TANC1: variants seen among roughly 807,000 people sequenced by gnomAD.
TANC1 encodes the protein protein TANC1.
TANC1 carries 77 observed loss-of-function variants against 149.7 expected under a neutral mutation model. The ratio of observed to expected loss-of-function variants is 0.51; its 90% CI spans 0.43 to 0.62. The LOEUF is 0.62. Ranked by LOEUF, TANC1 falls within the 20% of genes least tolerant of loss-of-function variation. The pLI is 0.00. For missense variants in TANC1, 1,985 were observed against 2,321.8 expected (o/e 0.85, Z 2.98); for synonymous variants, 854 against 925.0 (o/e 0.92, Z 1.39).
chr2:159,075,508 C>G (rs186024926), intron 3 of TANC1, among the ~76,000 whole-genome samples: 1 of 151,814 alleles, frequency 6.6e-6, no homozygotes, highest in Non-Finnish European at 1.5e-5. Context: ...CCTGGAAAGT[C>G]GAGGTTGCAG....
chr2:159,118,456 A>G (rs965140018), intron 4 of TANC1, among the ~76,000 whole-genome samples: 3 of 152,132 alleles, frequency 2.0e-5, no homozygotes, highest in African/African-American at 7.2e-5. Flanking sequence ...ATGAACTCCC[A>G]GTGTTGTACT....
intron 2 of TANC1, among the ~76,000 whole-genome samples, chr2:159,007,543 G>A (rs2037338188): frequency 6.6e-6 from 1 of 152,158 alleles, no homozygotes; most frequent in African/African-American, 2.4e-5. Flanking sequence ...GTAGCATGCT[G>A]TATGGTTTTG....
At position 159,131,805 on chromosome 2, in the gene TANC1, C is replaced by T. The variant is rs2050139196; in HGVS notation, c.260-4389C>T. On this transcript the variant is annotated intron_variant, in intron 4 of 26. Coordinates refer to ENST00000263635, the MANE Select transcript of TANC1 (RefSeq NM_033394.3). ...ATGGTTATAAATTTATCTTGTTTTA[C>T]AGCACTTTATGTTCAGCTGTTTGTG... Among the ~76,000 whole-genome samples, 3 of 152,200 alleles carry T rather than the reference C, an allele frequency of 2.0e-5. No individual in the cohort carries two copies. The South Asian group carries it at 6.2e-4, about 31-fold the overall frequency.
At chr2:159,209,003 T>C (rs1409508191) in intron 19 of TANC1, among the ~76,000 whole-genome samples, 1 of 152,220 alleles carries the variant, frequency 6.6e-6, no homozygotes, top group Admixed American at 6.5e-5. Context: ...TATAAAAATA[T>C]GGTATTATCA....
Position 159,099,387 on chromosome 2 carries a change from T to C in TANC1, c.259+1553T>C, listed in dbSNP as rs962908319. The stretch of plus-strand genomic sequence containing the variant: ...TTCCCACACTGCCTGTCATACTGGG[T>C]TATCCTGATTGGAATTACTCTTCCC... On this transcript the variant is annotated intron_variant, in intron 4 of 26. Transcript: ENST00000263635. 1.5e-4 allele frequency among the ~76,000 whole-genome samples: 23 copies of C among 152,264 alleles called. No homozygotes were observed. In the Middle Eastern group the frequency reaches 0.014, roughly 90 times the overall value.
intron 2 of TANC1, among the ~76,000 whole-genome samples, chr2:159,004,815 G>T (rs1379632581): frequency 6.6e-6 from 1 of 152,130 alleles, no homozygotes; most frequent in Admixed American, 6.5e-5. Flanking sequence ...AAGACAGACA[G>T]ACAGACACAC....
At chr2:158,981,493 ATATATATAT>A (rs1559096029) in intron 1 of TANC1, among the ~76,000 whole-genome samples, 2,076 of 48,524 alleles carry the variant, frequency 0.043, 160 homozygotes, top group Middle Eastern at 0.12. Context: ...TATAGCTTTT[ATATATATAT>A]ATATATATAT....
At chr2:158,971,057 T>G (rs1019517122) in intron 1 of TANC1, among the ~76,000 whole-genome samples, 1 of 152,226 alleles carries the variant, frequency 6.6e-6, no homozygotes, top group African/African-American at 2.4e-5. Flanking sequence ...ACATTTTGTC[T>G]CTTTAACCAC....
intron 1 of TANC1, among the ~76,000 whole-genome samples, chr2:158,989,043 C>G (rs774229686): frequency 4.9e-4 from 75 of 152,044 alleles, no homozygotes; most frequent in Middle Eastern, 3.4e-3. Flanking sequence ...GAAATGTGGA[C>G]CATAACTGAC....
intron 4 of TANC1, 60 bp downstream of exon 4, chr2:159,097,894 G>A: frequency 6.9e-7 from 1 of 1,443,102 alleles, no homozygotes; most frequent in Non-Finnish European, 9.6e-7. Context: ...TTGAAAATAA[G>A]CAAAACTAGT....
At chr2:159,143,219 C>T (rs1056249216) in intron 5 of TANC1, among the ~76,000 whole-genome samples, 1 of 152,086 alleles carries the variant, frequency 6.6e-6, no homozygotes, top group African/African-American at 2.4e-5. Flanking sequence ...TTTCCCAAGA[C>T]TTTTCAATTG....
intron 5 of TANC1, among the ~76,000 whole-genome samples, chr2:159,137,717 G>A (rs1351191535): frequency 3.3e-5 from 5 of 152,194 alleles, no homozygotes; most frequent in Admixed American, 6.5e-5. Flanking sequence ...GTCATCAAAT[G>A]TCTAAGCTGT....
intron 21 of TANC1, 129 bp from the exon 22 acceptor site, chr2:159,219,563 C>T: frequency 1.5e-6 from 2 of 1,324,050 alleles, no homozygotes; most frequent in Non-Finnish European, 2.1e-6. Flanking sequence ...CCCATCCGGC[C>T]AGTGTCACCC....
chr2:159,224,543 T>G, intron 23 of TANC1, 179 bp downstream of exon 23: 8 of 701,930 alleles, frequency 1.1e-5, no homozygotes, highest in Non-Finnish European at 1.8e-5. Context: ...GCTCACGGTG[T>G]TTCTGCGGGG....
intron 19 of TANC1, among the ~76,000 whole-genome samples, chr2:159,216,955 G>A (rs902674226): frequency 1.3e-5 from 2 of 152,150 alleles, no homozygotes; most frequent in South Asian, 4.1e-4. Flanking sequence ...GCATTGCACT[G>A]TATTCTGGTT....
At chr2:159,224,984 A>G (rs1196419341) in intron 23 of TANC1, 1 of 157,058 alleles carries the variant, frequency 6.4e-6, no homozygotes, top group Non-Finnish European at 1.4e-5. Flanking sequence ...TGAAAATGCT[A>G]TTCACTAATA....
chr2:159,136,064 T>TGTG, intron 4 of TANC1, 130 bp from the exon 5 acceptor site: 6 of 380,416 alleles, frequency 1.6e-5, no homozygotes, highest in South Asian at 1.2e-4. Flanking sequence ...GCGCGCGCGT[T>TGTG]TAAGGGAGGG....
chr2:159,113,062 G>A (rs562357828), intron 4 of TANC1, among the ~76,000 whole-genome samples: 1 of 152,212 alleles, frequency 6.6e-6, no homozygotes, highest in East Asian at 1.9e-4. Context: ...AGCCTCCCAA[G>A]TAGCTGGGAC....
intron 4 of TANC1, among the ~76,000 whole-genome samples, chr2:159,130,040 G>C (rs564545240): frequency 6.6e-6 from 1 of 152,314 alleles, no homozygotes; most frequent in Non-Finnish European, 1.5e-5. Flanking sequence ...TACCAGTACC[G>C]GGGGCGGCGG....
Sources: gnomAD v4.1 joint callset for allele counts (sites outside exome capture counted in the v4.1 genomes callset) on GRCh38, gnomAD v4.1.1 for gene constraint, MANE v1.5 for transcripts, NCBI Gene and HGNC (gene_info 2026-07-23, HGNC 2026-07-21) for gene names.